The following SLC25A40 variants were observed in gnomAD, a reference collection of about 807,000 sequenced individuals.
SLC25A40 encodes solute carrier family 25 member 40, also known as mitochondrial glutathione transporter SLC25A40.
Under a neutral mutation model 46.5 loss-of-function variants are expected in SLC25A40, and 41 were observed. The ratio of observed to expected loss-of-function variants is 0.88; its 90% confidence interval spans 0.69 to 1.14. The LOEUF is 1.14. Among genes scored for constraint, SLC25A40 ranks in the 50% most tolerant of loss-of-function variants. SLC25A40 has a pLI of 0.00. For missense variants in SLC25A40, 386 were observed against 393.6 expected, an observed-to-expected ratio of 0.98 and a Z score of 0.16; for synonymous variants, 126 against 127.5, an observed-to-expected ratio of 0.99 and a Z score of 0.08.
At chr7:87,847,764 T>A (rs1010092010) in intron 7 of SLC25A40, 89 bp downstream of exon 7, 1 of 1,276,720 alleles carries the variant, frequency 7.8e-7, no homozygotes, top group African/African-American at 1.5e-5. Context: ...ACTAATACTC[T>A]ATATATTATA....
intron 10 of SLC25A40, among the ~76,000 whole-genome samples, chr7:87,837,459 A>G (rs1240600247): frequency 6.6e-6 from 1 of 151,250 alleles, no homozygotes; most frequent in East Asian, 1.9e-4. Flanking sequence ...TCTTGAAATA[A>G]ATTAGACCAG....
chr7:87,850,472 T>A (rs1253277399), intron 5 of SLC25A40, among the ~76,000 whole-genome samples: 2 of 152,134 alleles, frequency 1.3e-5, no homozygotes, highest in South Asian at 4.1e-4. Flanking sequence ...AAATGGCCAA[T>A]AAGCACACGA....
intron 7 of SLC25A40, among the ~76,000 whole-genome samples, chr7:87,847,575 C>T (rs1838440606): frequency 6.6e-6 from 1 of 152,070 alleles, no homozygotes; most frequent in Non-Finnish European, 1.5e-5. Context: ...CCAGATGACA[C>T]CTCAGAAGTT....
intron 3 of SLC25A40, 80 bp from the exon 4 acceptor site, chr7:87,856,431 T>A (rs188613625): frequency 9.6e-7 from 1 of 1,038,050 alleles, no homozygotes; most frequent in South Asian, 1.3e-5. Context: ...ACAAAATACA[T>A]TGATTCATAC....
intron 9 of SLC25A40, among the ~76,000 whole-genome samples, chr7:87,843,369 CAG>C (rs1218663442): frequency 6.6e-6 from 1 of 151,816 alleles, no homozygotes; most frequent in African/African-American, 2.4e-5. Context: ...TCCAAAGAAA[CAG>C]AAATCAGCAG....
intron 4 of SLC25A40, 56 bp downstream of exon 4, chr7:87,856,235 AC>A: frequency 7.2e-7 from 1 of 1,396,678 alleles, no homozygotes. Flanking sequence ...AAAAAAAAAA[AC>A]CACAGGAACA....
intron 10 of SLC25A40, among the ~76,000 whole-genome samples, chr7:87,839,964 TG>T (rs1254899402): frequency 6.6e-6 from 1 of 151,780 alleles, no homozygotes; most frequent in East Asian, 1.9e-4. Flanking sequence ...AGTTACTTCT[TG>T]GATAAATAAT....
Position 87,858,714 on chromosome 7 carries a change from G to C in SLC25A40, c.14C>G (p.Thr5Arg), listed in dbSNP as rs758703623. The C allele has an allele frequency of 6.2e-7, 1 of 1,610,678 alleles. No individual in the cohort carries two copies. The highest frequency in any genetic ancestry group is 2.2e-5 in the East Asian group (1 of 44,844). Residue 5 changes from threonine to arginine, a missense_variant, in exon 3 of 12, where the codon ACA (threonine) becomes AGA (arginine). Transcript: ENST00000341119. MDPE[T>R]RGQEIIKVTP... ...CACTTTGATAATCTCTTGTCCCCTT[G>C]TCTCAGGATCCATATTTTTAACTAA... is the stretch of plus-strand genomic sequence containing the variant.
chr7:87,841,562 A>G, intron 10 of SLC25A40, 71 bp downstream of exon 10: 2 of 791,800 alleles, frequency 2.5e-6, no homozygotes, highest in Non-Finnish European at 1.9e-6. Flanking sequence ...CTTATTTTAG[A>G]TATCCCTACA....
At chr7:87,870,469 G>A (rs1407945904) in intron 1 of SLC25A40, among the ~76,000 whole-genome samples, 1 of 152,068 alleles carries the variant, frequency 6.6e-6, no homozygotes, top group African/African-American at 2.4e-5. Context: ...ATAAATTCTG[G>A]GCATAAGAGG....
chr7:87,857,493 T>C (rs894494093), intron 3 of SLC25A40, among the ~76,000 whole-genome samples: 3 of 152,206 alleles, frequency 2.0e-5, no homozygotes, highest in African/African-American at 7.2e-5. Context: ...GATGAAACAT[T>C]CATGGATCAT....
chr7:87,853,865 G>T (rs1021430844), intron 5 of SLC25A40, among the ~76,000 whole-genome samples: 1 of 152,104 alleles, frequency 6.6e-6, no homozygotes, highest in Non-Finnish European at 1.5e-5. Context: ...TATTTTAATT[G>T]TATCAATCAA....
rs1838482037 is a variant in SLC25A40, at chr7:87,849,883, G to C, written c.330C>G (p.Thr110=). 4 of 1,583,320 alleles carry C rather than the reference G, an allele frequency of 2.5e-6. No homozygotes were observed. The East Asian group carries it at 9.1e-5, about 36-fold the overall frequency. ...AAAAACATTAAATTTCAACTTACAG[G>C]GTAGGAGGAAGGCCACTCCATAGAG... ...IKSLWSGLPP[T]LVMAVPATVI... The change falls in exon 6 of 12, where the codon ACC becomes ACG. Residue 110 remains threonine, a splice_region_variant and synonymous_variant. Coordinates refer to ENST00000341119, the MANE Select transcript of SLC25A40 (RefSeq NM_018843.4).
chr7:87,849,788 A>T (rs1838479299), intron 6 of SLC25A40, 93 bp downstream of exon 6: 1 of 883,944 alleles, frequency 1.1e-6, no homozygotes, highest in Admixed American at 3.0e-5. Context: ...AAGCATTCTA[A>T]TATTAAAAAT....
At position 87,875,195 on chromosome 7, in the gene SLC25A40, T is replaced by G. The variant is rs1340210480; in HGVS notation, c.-94+901A>C. 2.6e-5 allele frequency among the ~76,000 whole-genome samples: 4 copies of G among 152,196 alleles called. No homozygotes were observed. The East Asian group carries it at 5.8e-4, about 22-fold the overall frequency. On this transcript the variant is annotated intron_variant, in intron 1 of 11. Transcript: ENST00000341119. ...GGAGAGATATCAAATCAATCTCTAT[T>G]TCCTCTTCCCATGTCCACTTCTGCT...
In SLC25A40 at chr7:87,833,682, A is replaced by T. The variant is rs879081034; in HGVS notation, c.*2567T>A. ...GTGCCCAAGACAAAAAGAGGGAAGAATTTAAGTTTAGGGGTACATATGCAG... is the reference window on the plus strand; with the variant it reads ...GTGCCCAAGACAAAAAGAGGGAAGATTTTAAGTTTAGGGGTACATATGCAG... On this transcript the variant is annotated 3_prime_UTR_variant, in exon 12 of 12. Transcript: ENST00000341119. The T allele has an allele frequency of 6.6e-6, 1 of 151,924 alleles. No homozygotes were observed. The highest frequency in any genetic ancestry group is 2.1e-4 in the South Asian group (1 of 4,832). The allele number at this position is 151,924 out of a possible 1,614,324, so 9.4% of individuals were successfully genotyped here.
At chr7:87,871,174 C>T (rs961527617) in intron 1 of SLC25A40, among the ~76,000 whole-genome samples, 1 of 152,226 alleles carries the variant, frequency 6.6e-6, no homozygotes, top group African/African-American at 2.4e-5. Flanking sequence ...CCTGCCGGTG[C>T]TCATGCACTC....
rs974651345 is a variant in SLC25A40 at position 87,836,597 on chromosome 7, T to C, written c.904+133A>G. 8.9e-6 allele frequency: 5 copies of C among 561,274 alleles called. No homozygotes were observed. The African/African-American group carries it at 1.0e-4, about 11-fold the overall frequency. The allele number at this position is 561,274 out of a possible 1,614,324, so 34.8% of individuals were successfully genotyped here. On this transcript the variant is annotated intron_variant, in intron 11 of 11. Coordinates refer to ENST00000341119, the MANE Select transcript of SLC25A40 (RefSeq NM_018843.4). ...TCTTTTATTTAACATTTATTTTAAC[T>C]TATAATAAAGATATTTAGGAGAAAA...
intron 1 of SLC25A40, among the ~76,000 whole-genome samples, chr7:87,864,722 G>C (rs1200180709): frequency 6.6e-6 from 1 of 151,980 alleles, no homozygotes; most frequent in Non-Finnish European, 1.5e-5. Context: ...TAGGTTTCTT[G>C]TGGACAGCAT....
Sources: gnomAD v4.1 joint callset for allele counts (sites outside exome capture counted in the v4.1 genomes callset) on GRCh38, gnomAD v4.1.1 for gene constraint, MANE v1.5 for transcripts, NCBI Gene and HGNC (gene_info 2026-07-23, HGNC 2026-07-21) for gene names.